KCNJ12: variants seen among roughly 807,000 people sequenced by gnomAD.
KCNJ12 encodes ATP-sensitive inward rectifier potassium channel 12.
In KCNJ12, 2 loss-of-function variants were observed where a neutral mutation model predicts 22.3. The ratio of observed to expected loss-of-function variants is 0.09; its 90% CI spans 0.04 to 0.28. KCNJ12 has a LOEUF of 0.28. Among genes scored for constraint, KCNJ12 ranks in the 10% least tolerant of loss-of-function variants. The probability of loss-of-function intolerance (pLI) is 1.00; values close to 1 mark genes in which losing one functional copy is unlikely to be tolerated. For missense variants in KCNJ12, 155 were observed against 633.3 expected (o/e 0.24, Z 8.11); for synonymous variants, 117 against 261.4 (o/e 0.45, Z 5.33).
chr17:21,381,999 C>G (rs561187299), intron 1 of KCNJ12, among the ~76,000 whole-genome samples: 20 of 152,228 alleles, frequency 1.3e-4, no homozygotes, highest in Admixed American at 1.3e-4. Flanking sequence ...GAAAACTGAG[C>G]CTCAGAGAGG....
intron 1 of KCNJ12, among the ~76,000 whole-genome samples, chr17:21,400,518 C>G (rs1905543640): frequency 6.6e-6 from 1 of 152,304 alleles, no homozygotes; most frequent in Admixed American, 6.5e-5. Flanking sequence ...ATGCTACACC[C>G]CGCACAGAGC....
chr17:21,390,487 C>G (rs1905183479), intron 1 of KCNJ12, among the ~76,000 whole-genome samples: 1 of 152,202 alleles, frequency 6.6e-6, no homozygotes, highest in Admixed American at 6.5e-5. Flanking sequence ...AGGGCAGGAG[C>G]TGGGAGGATG....
chr17:21,380,680 G>A (rs1904833402), intron 1 of KCNJ12, among the ~76,000 whole-genome samples: 1 of 152,164 alleles, frequency 6.6e-6, no homozygotes, highest in South Asian at 2.1e-4. Context: ...GGGGGTGTGA[G>A]CATTTGTGGA....
Position 21,408,538 on chromosome 17 carries a change from C to T in KCNJ12, c.-159C>T. On this transcript the variant is annotated 5_prime_UTR_variant, in exon 2 of 3. Coordinates refer to ENST00000583088, the MANE Select transcript of KCNJ12 (RefSeq NM_021012.5). ...CTTTAGGATGTTCTAGTGACTGGAT[C>T]CTTTCCAGTTGGTGCCTGGGAAATG... 6.6e-6 allele frequency: 1 copy of T among 152,386 alleles called. No homozygotes were observed. The highest frequency in any genetic ancestry group is 1.5e-5 in the Non-Finnish European group (1 of 68,136). The allele number at this position is 152,386 out of a possible 1,614,324, so 9.4% of individuals were successfully genotyped here.
At chr17:21,404,765 GC>G (rs1428290384) in intron 1 of KCNJ12, among the ~76,000 whole-genome samples, 1 of 152,238 alleles carries the variant, frequency 6.6e-6, no homozygotes, top group Non-Finnish European at 1.5e-5. Context: ...TCTCCCTCCT[GC>G]CCCCACCCTC....
At chr17:21,400,387 C>T (rs1271563726) in intron 1 of KCNJ12, among the ~76,000 whole-genome samples, 1 of 152,312 alleles carries the variant, frequency 6.6e-6, no homozygotes, top group Non-Finnish European at 1.5e-5. Flanking sequence ...CGACTCCCTC[C>T]TCCCGGGTGG....
At chr17:21,405,257 A>G (rs1905864511) in intron 1 of KCNJ12, 1 of 152,228 alleles carries the variant, frequency 6.6e-6, no homozygotes, top group African/African-American at 2.4e-5. Flanking sequence ...CAGGACCCAC[A>G]CTGCTGCATC....
chr17:21,412,765 A>C (rs1344567400), intron 2 of KCNJ12, among the ~76,000 whole-genome samples: 1 of 152,312 alleles, frequency 6.6e-6, no homozygotes, highest in Non-Finnish European at 1.5e-5. Flanking sequence ...ACGGCAGAGT[A>C]AGGAAAGGCA....
intron 2 of KCNJ12, among the ~76,000 whole-genome samples, chr17:21,414,364 G>T (rs1470690206): frequency 6.6e-6 from 1 of 152,242 alleles, no homozygotes; most frequent in African/African-American, 2.4e-5. Flanking sequence ...AATCCCAGCT[G>T]CTCAGGAAGC....
intron 2 of KCNJ12, 91 bp from the exon 3 acceptor site, chr17:21,415,196 C>G (rs1458440443): frequency 7.5e-6 from 10 of 1,339,680 alleles, no homozygotes; most frequent in African/African-American, 7.2e-5. Flanking sequence ...AGGGTGGAAG[C>G]GTCCTCCAGT....
chr17:21,377,329 G>A (rs782317182), intron 1 of KCNJ12, among the ~76,000 whole-genome samples: 13 of 152,142 alleles, frequency 8.5e-5, no homozygotes, highest in Admixed American at 7.2e-4. Flanking sequence ...CGATCGAGGT[G>A]GGGTTCGGAG....
chr17:21,398,443 C>G (rs1905457686), intron 1 of KCNJ12, among the ~76,000 whole-genome samples: 1 of 152,224 alleles, frequency 6.6e-6, no homozygotes, highest in African/African-American at 2.4e-5. Flanking sequence ...CATCCCGAGG[C>G]CAGGCCAGAC....
At chr17:21,404,421 T>C (rs1371831399) in intron 1 of KCNJ12, among the ~76,000 whole-genome samples, 3 of 152,216 alleles carry the variant, frequency 2.0e-5, no homozygotes, top group Admixed American at 1.3e-4. Context: ...GCCCAGCGAG[T>C]TGTGACTGCT....
At chr17:21,380,179 A>G (rs1457959639) in intron 1 of KCNJ12, among the ~76,000 whole-genome samples, 3 of 152,164 alleles carry the variant, frequency 2.0e-5, no homozygotes, top group Admixed American at 1.3e-4. Context: ...CGGGAGCTGT[A>G]TTCCTAGGAC....
chr17:21,386,519 G>GT (rs1160430032), intron 1 of KCNJ12, among the ~76,000 whole-genome samples: 3 of 151,942 alleles, frequency 2.0e-5, no homozygotes, highest in Admixed American at 6.6e-5. Flanking sequence ...TTAACTATAT[G>GT]TTTTTTTGAT....
chr17:21,377,667 C>T (rs868932889), intron 1 of KCNJ12, among the ~76,000 whole-genome samples: 81 of 152,166 alleles, frequency 5.3e-4, no homozygotes, highest in African/African-American at 1.9e-3. Context: ...TGGGGTGGGG[C>T]GCTCCTTGGG....
At chr17:21,383,887 C>G (rs558175781) in intron 1 of KCNJ12, among the ~76,000 whole-genome samples, 4 of 152,134 alleles carry the variant, frequency 2.6e-5, no homozygotes, top group Non-Finnish European at 5.9e-5. Flanking sequence ...TGAGCCATCA[C>G]GGGCATTGTC....
intron 1 of KCNJ12, among the ~76,000 whole-genome samples, chr17:21,391,795 G>C (rs1461475977): frequency 1.3e-5 from 2 of 152,208 alleles, no homozygotes; most frequent in African/African-American, 2.4e-5. Flanking sequence ...CATCTACCTC[G>C]AGCCTGTGGT....
rs140951064 is a variant in KCNJ12, at chr17:21,384,210, C to T, written c.-179+7297C>T. Among the ~76,000 whole-genome samples, 14 of 152,214 alleles carry T rather than the reference C, an allele frequency of 9.2e-5. No individual in the cohort carries two copies. In the East Asian group the frequency reaches 1.4e-3, roughly 15 times the overall value. On this transcript the variant is annotated intron_variant, in intron 1 of 2. Transcript: ENST00000583088. ...ACTATGCGCACTGCTGTGTGGTGCC[C>T]GTGCCCACTGGACCCAGGGGGTCTC...
Sources: allele counts gnomAD v4.1 joint callset (sites outside exome capture counted in the v4.1 genomes callset), GRCh38; gene constraint gnomAD v4.1.1; transcripts MANE v1.5; gene names NCBI Gene and HGNC (gene_info 2026-07-23, HGNC 2026-07-21).